MED14: variants seen among roughly 807,000 people sequenced by gnomAD.
The protein encoded by MED14 is mediator of RNA polymerase II transcription subunit 14.
Under a neutral mutation model 109.0 loss-of-function variants are expected in MED14, and 8 were observed. That is an observed-to-expected ratio of 0.07 (90% CI 0.04 to 0.13). MED14 has a LOEUF of 0.13. Ranked by LOEUF, MED14 falls within the 10% of genes least tolerant of loss-of-function variation. The pLI, the probability that MED14 is intolerant of heterozygous loss-of-function variation, is 1.00. For missense variants in MED14, 711 were observed against 1,142.4 expected, an observed-to-expected ratio of 0.62 and a Z score of 5.44; for synonymous variants, 399 against 408.7, an observed-to-expected ratio of 0.98 and a Z score of 0.29.
intron 26 of MED14, among the ~76,000 whole-genome samples, chrX:40,660,089 A>AT (rs1211505343): frequency 2.7e-5 from 3 of 109,553 alleles, no homozygotes; most frequent in Non-Finnish European, 1.9e-5. Context: ...TACAGAAATT[A>AT]TTTTTTTTAG....
chrX:40,681,294 T>TAAG (rs1008554293), intron 19 of MED14, among the ~76,000 whole-genome samples: 3 of 111,895 alleles, frequency 2.7e-5, no homozygotes, highest in Non-Finnish European at 5.6e-5. Flanking sequence ...CAGATACACT[T>TAAG]GGTTAACAGA....
At chrX:40,696,371 A>G in intron 13 of MED14, among the ~76,000 whole-genome samples, 1 of 108,336 alleles carries the variant, frequency 9.2e-6, no homozygotes. Flanking sequence ...CAATCTCCTG[A>G]CCTCGTGATC....
chrX:40,650,984 C>G lies in MED14; in HGVS notation c.*822G>C. 1.3e-6 allele frequency: 1 copy of G among 752,271 alleles called. No individual in the cohort carries two copies. Among genetic ancestry groups the G allele is most frequent in the Non-Finnish European group, 1.6e-6 (1 of 637,478 alleles). The allele number at this position is 752,271 out of a possible 1,213,427, so 62.0% of individuals were successfully genotyped here. On this transcript the variant is annotated 3_prime_UTR_variant, in exon 31 of 31. Coordinates refer to ENST00000324817, the MANE Select transcript of MED14 (RefSeq NM_004229.4). The stretch of plus-strand genomic sequence containing the variant: ...GAGAATGATTGCATTATTTGGGATC[C>G]TTGATCAATACGAACCACATACTGT...
intron 10 of MED14, among the ~76,000 whole-genome samples, chrX:40,707,130 T>C (rs1040447756): frequency 1.8e-5 from 2 of 109,457 alleles, no homozygotes; most frequent in African/African-American, 6.7e-5. Flanking sequence ...GATAGATAGA[T>C]AGATAGATAG....
At chrX:40,658,725 C>T (rs1483647866) in intron 28 of MED14, among the ~76,000 whole-genome samples, 1 of 98,300 alleles carries the variant, frequency 1.0e-5, no homozygotes, top group Non-Finnish European at 2.0e-5. Context: ...AAGCCAGGCG[C>T]GGTGGCGTGC....
At chrX:40,680,670 G>A (rs1418208200) in intron 20 of MED14, 88 bp downstream of exon 20, 13 of 794,249 alleles carry the variant, frequency 1.6e-5, no homozygotes, top group African/African-American at 2.1e-5. Flanking sequence ...CTTCCGCCTC[G>A]GCCTCCCAAA....
At position 40,735,483 on chromosome X, in the gene MED14, CGCGCCGAAACGG is replaced by C. The variant is rs1932231770; in HGVS notation, c.-83_-72del. 3.1e-6 allele frequency: 3 copies of C among 982,588 alleles called. No homozygotes were observed. The African/African-American group carries it at 5.7e-5, about 19-fold the overall frequency. 81.0% of individuals were successfully genotyped at this position (982,588 alleles called of 1,213,427 possible). ...TCGAGCCTCCCGGGCGCTCGGTCAC[CGCGCCGAAACGG>C]GAGCGGGCAGAGTCGCCACCGCCTA... On this transcript the variant is annotated 5_prime_UTR_variant, in exon 1 of 31. Coordinates refer to ENST00000324817, the MANE Select transcript of MED14 (RefSeq NM_004229.4).
intron 19 of MED14, among the ~76,000 whole-genome samples, chrX:40,681,145 A>C (rs912610220): frequency 8.9e-6 from 1 of 112,517 alleles, no homozygotes; most frequent in Admixed American, 9.4e-5. Flanking sequence ...AAAGGCGCTA[A>C]AACAACTTTA....
rs145739870 is a variant in MED14 at position 40,692,728 on chromosome X, T to C, written c.1825A>G (p.Arg609Gly). The C allele has an allele frequency of 4.5e-4, 545 of 1,207,503 alleles. 1 individual carries two copies. In the Middle Eastern group the frequency reaches 0.014, roughly 31 times the overall value. ...VFRTKTGKQT[R>G]TNAKRKLSDD... ...CATACCTTGCGCTTGGCATTGGTTC[T>C]GGTCTGTTTCCCGGTTTTTGTACGA... is the stretch of plus-strand genomic sequence containing the variant. Residue 609 changes from arginine to glycine, a missense_variant, in exon 14 of 31, where the codon AGA (arginine) becomes GGA (glycine). By Grantham distance (125) the Arg-to-Gly change is moderately radical. Around this residue, in one of 8 missense-constraint regions of MED14, gnomAD observed 388 missense variants for 517.3 expected, o/e 0.75. Transcript: ENST00000324817.
chrX:40,651,628 C>A lies in MED14; in HGVS notation c.*178G>T. ...AAACACACTATACAAGTTCATTATA[C>A]AAAAGATGGATGATCATTTTGATGA... is the stretch of plus-strand genomic sequence containing the variant. On this transcript the variant is annotated 3_prime_UTR_variant, in exon 31 of 31. Transcript: ENST00000324817. The A allele has an allele frequency of 9.7e-7, 1 of 1,035,562 alleles. No homozygotes were observed. The highest frequency in any genetic ancestry group is 1.2e-6 in the Non-Finnish European group (1 of 810,076). 85.3% of individuals were successfully genotyped at this position (1,035,562 alleles called of 1,213,427 possible). A position where few individuals can be genotyped will look rare whatever the true frequency, so the allele number is the denominator to read the frequency against.
chrX:40,656,727 A>C (rs1255611773), intron 28 of MED14, among the ~76,000 whole-genome samples: 1 of 112,263 alleles, frequency 8.9e-6, no homozygotes, highest in Non-Finnish European at 1.9e-5. Context: ...TAAACAACAC[A>C]AAACAAAGAC....
chrX:40,722,850 AC>A (rs1446715822), intron 3 of MED14, among the ~76,000 whole-genome samples: 1 of 111,904 alleles, frequency 8.9e-6, no homozygotes, highest in Non-Finnish European at 1.9e-5. Flanking sequence ...AAAAACTTTT[AC>A]CCTAGGATAG....
rs1930167012 is a variant in MED14 at position 40,682,767 on chromosome X, AAT to A, written c.2219-20_2219-19del. ...GGATGGTCCTACAGGATTAAAAGAG[AAT>A]ATTAATAGTAATCGATACCAAAAAA... On this transcript the variant is annotated intron_variant, in intron 17 of 30. Coordinates refer to ENST00000324817, the MANE Select transcript of MED14 (RefSeq NM_004229.4). The A allele has an allele frequency of 8.3e-7, 1 of 1,205,500 alleles. No homozygotes were observed. Among genetic ancestry groups the A allele is most frequent in the Non-Finnish European group, 1.1e-6 (1 of 890,962 alleles).
At chrX:40,675,161 C>A (rs751261850) in intron 22 of MED14, 60 bp downstream of exon 22, 14 of 1,066,326 alleles carry the variant, frequency 1.3e-5, no homozygotes, top group African/African-American at 3.8e-5. Flanking sequence ...GTCTTGACAC[C>A]TATAGAACCT....
intron 2 of MED14, 90 bp downstream of exon 2, chrX:40,729,229 T>C: frequency 1.1e-6 from 1 of 898,686 alleles, no homozygotes; most frequent in South Asian, 2.5e-5. Context: ...AGGTTTCCAA[T>C]CCACAGCCCT....
At chrX:40,722,104 C>T (rs139387316) in intron 3 of MED14, among the ~76,000 whole-genome samples, 1,905 of 111,374 alleles carry the variant, frequency 0.017, 22 homozygotes, top group South Asian at 0.032. Context: ...CCTCACCAAA[C>T]GAACAAAAGA....
chrX:40,689,206 C>T (rs1414385230), intron 15 of MED14, among the ~76,000 whole-genome samples: 3 of 112,075 alleles, frequency 2.7e-5, no homozygotes, highest in African/African-American at 9.7e-5. Context: ...GCATGACAGA[C>T]TATTTATATC....
intron 1 of MED14, chrX:40,729,583 T>C (rs1045399905): frequency 1.3e-5 from 5 of 374,422 alleles, no homozygotes; most frequent in African/African-American, 5.2e-5. Flanking sequence ...TCAAAATGTA[T>C]TGCATGAACC....
At chrX:40,693,018 A>G (rs1839379292) in intron 13 of MED14, 116 bp from the exon 14 acceptor site, 6 of 518,246 alleles carry the variant, frequency 1.2e-5, no homozygotes, top group Non-Finnish European at 8.4e-6. Context: ...TCTTAAAAAA[A>G]AAAAAGGTTA....
Sources: allele counts gnomAD v4.1 joint callset (sites outside exome capture counted in the v4.1 genomes callset), GRCh38; gene constraint gnomAD v4.1.1; regional missense constraint gnomAD v4.1.1; transcripts MANE v1.5; gene names NCBI Gene and HGNC (gene_info 2026-07-23, HGNC 2026-07-21).